Variants in PTPN3 observed in about 807,000 individuals in gnomAD.
PTPN3 encodes protein tyrosine phosphatase non-receptor type 3.
PTPN3 carries 96 observed loss-of-function variants against 132.7 expected under a neutral mutation model. That is an observed-to-expected ratio of 0.72 (90% CI 0.61 to 0.86). PTPN3 has a LOEUF of 0.86. Ranked by LOEUF, PTPN3 falls within the 40% of genes least tolerant of loss-of-function variation. The pLI is 0.00. For missense variants in PTPN3, 1,125 were observed against 1,159.6 expected (o/e 0.97, Z 0.43); for synonymous variants, 398 against 429.0 (o/e 0.93, Z 0.89).
the PTPN3 span, among the ~76,000 whole-genome samples, chr9:109,510,568 AAAAAAAAAATATATATATATAT>A: frequency 5.5e-5 from 2 of 36,132 alleles, no homozygotes; most frequent in East Asian, 3.2e-3. Flanking sequence ...TAAAAAAAAA[AAAAAAAAAATATATATATATAT>A]ATATATATAT....
At chr9:109,422,920 G>C (rs936899803) in intron 12 of PTPN3, 68 bp from the exon 13 acceptor site, 17 of 1,545,604 alleles carry the variant, frequency 1.1e-5, no homozygotes, top group Non-Finnish European at 1.4e-5. Context: ...CTGCATGTGT[G>C]AAACAGTCTA....
intron 4 of PTPN3, 115 bp from the exon 5 acceptor site, chr9:109,454,689 A>T (rs1845470616): frequency 1.3e-6 from 1 of 755,624 alleles, no homozygotes; most frequent in South Asian, 1.7e-5. Flanking sequence ...TTTTTCCATT[A>T]TAAAAGGGCT....
intron 10 of PTPN3, among the ~76,000 whole-genome samples, chr9:109,430,339 T>A (rs3793529): frequency 0.21 from 32,014 of 152,040 alleles, 3,773 homozygotes; most frequent in Non-Finnish European, 0.26. Context: ...CCTGGCTTCA[T>A]ATACAGGGGT....
intron 12 of PTPN3, among the ~76,000 whole-genome samples, chr9:109,425,301 G>A (rs1393713072): frequency 1.3e-5 from 2 of 152,212 alleles, no homozygotes; most frequent in Admixed American, 1.3e-4. Flanking sequence ...AACTGGAACA[G>A]TCTGATGCAG....
At chr9:109,534,335 T>C in the PTPN3 span, 22 of 1,516,398 alleles carry the variant, frequency 1.5e-5, no homozygotes, top group Admixed American at 4.1e-5. Flanking sequence ...CTGCTCAAGG[T>C]TGTGGTGATG....
the PTPN3 span, among the ~76,000 whole-genome samples, chr9:109,518,475 T>TG: frequency 6.6e-6 from 1 of 152,138 alleles, no homozygotes; most frequent in Non-Finnish European, 1.5e-5. Flanking sequence ...ATGCTCCCAT[T>TG]GGACAGGTGC....
chr9:109,379,295 T>G lies in PTPN3; in HGVS notation c.*261A>C, dbSNP rs1838825416. On this transcript the variant is annotated 3_prime_UTR_variant, in exon 26 of 26. Coordinates refer to ENST00000374541, the MANE Select transcript of PTPN3 (RefSeq NM_002829.4). Reference sequence around the variant, plus strand: ...TGTGGTGATGTTAGGGAAGAAGGCATTAGGACAGGCCCCAAACTGAGATCC... The same window carrying G: ...TGTGGTGATGTTAGGGAAGAAGGCAGTAGGACAGGCCCCAAACTGAGATCC... The G allele has an allele frequency of 4.4e-6, 2 of 452,572 alleles. No individual in the cohort carries two copies. Among genetic ancestry groups the G allele is most frequent in the Admixed American group, 3.7e-5 (1 of 27,132 alleles). The allele number at this position is 452,572 out of a possible 1,614,324, so 28.0% of individuals were successfully genotyped here. A position where few individuals can be genotyped will look rare whatever the true frequency, so the allele number is the denominator to read the frequency against.
chr9:109,424,746 G>A (rs539444344), intron 12 of PTPN3, among the ~76,000 whole-genome samples: 123 of 152,316 alleles, frequency 8.1e-4, no homozygotes, highest in African/African-American at 1.2e-4. Context: ...CAGAGCAGAA[G>A]AGGCCTCTGG....
intron 14 of PTPN3, among the ~76,000 whole-genome samples, chr9:109,420,112 G>C (rs1367342648): frequency 1.3e-5 from 2 of 152,106 alleles, no homozygotes; most frequent in Non-Finnish European, 1.5e-5. Context: ...CTCCAGAACA[G>C]GGAATGATTA....
At chr9:109,485,709 T>C (rs1307088219) in intron 1 of PTPN3, among the ~76,000 whole-genome samples, 3 of 152,064 alleles carry the variant, frequency 2.0e-5, no homozygotes, top group Admixed American at 1.3e-4. Flanking sequence ...ACTCTTCTCC[T>C]TCCCCTTCCA....
chr9:109,532,640 T>C, the PTPN3 span, among the ~76,000 whole-genome samples: 1 of 151,876 alleles, frequency 6.6e-6, no homozygotes, highest in African/African-American at 2.4e-5. Flanking sequence ...GAGGCGTCTT[T>C]AGGTGAAAAT....
intron 1 of PTPN3, among the ~76,000 whole-genome samples, chr9:109,497,604 G>A (rs915519421): frequency 6.6e-6 from 1 of 152,104 alleles, no homozygotes; most frequent in Admixed American, 6.5e-5. Flanking sequence ...TGGGAATTTC[G>A]GGGGGGCTGG....
At chr9:109,464,314 T>A (rs751488065) in intron 1 of PTPN3, among the ~76,000 whole-genome samples, 2 of 152,178 alleles carry the variant, frequency 1.3e-5, no homozygotes, top group Non-Finnish European at 2.9e-5. Flanking sequence ...ATTCACTCAC[T>A]AAAAGACATG....
chr9:109,526,829 G>A, the PTPN3 span, among the ~76,000 whole-genome samples: 1 of 152,160 alleles, frequency 6.6e-6, no homozygotes, highest in Non-Finnish European at 1.5e-5. Context: ...AGTAGACAAA[G>A]GAAATAGAAT....
At chr9:109,469,833 C>T (rs758815896) in intron 1 of PTPN3, among the ~76,000 whole-genome samples, 5 of 152,208 alleles carry the variant, frequency 3.3e-5, no homozygotes, top group African/African-American at 7.2e-5. Context: ...TAGCCCAATG[C>T]CACCACCTAG....
the PTPN3 span, among the ~76,000 whole-genome samples, chr9:109,515,695 G>A: frequency 6.6e-6 from 1 of 152,334 alleles, no homozygotes; most frequent in Admixed American, 6.5e-5. Flanking sequence ...ATGGCAGAAG[G>A]GAAGAGGAGA....
chr9:109,384,559 G>A (rs1448909024), intron 22 of PTPN3, among the ~76,000 whole-genome samples: 1 of 152,176 alleles, frequency 6.6e-6, no homozygotes, highest in African/African-American at 2.4e-5. Context: ...TCTAAAACCT[G>A]CAACTTGTCC....
intron 9 of PTPN3, among the ~76,000 whole-genome samples, chr9:109,434,041 G>C (rs890387045): frequency 1.3e-5 from 2 of 151,604 alleles, no homozygotes; most frequent in Admixed American, 6.6e-5. Flanking sequence ...GCCGCTACAA[G>C]TTTGAGAACA....
At chr9:109,429,401 A>G (rs1372803119) in intron 10 of PTPN3, among the ~76,000 whole-genome samples, 4 of 152,124 alleles carry the variant, frequency 2.6e-5, no homozygotes, top group Non-Finnish European at 5.9e-5. Flanking sequence ...AGTGGTGAAA[A>G]CACTGCCCTT....
Sources: gnomAD v4.1 joint callset for allele counts (sites outside exome capture counted in the v4.1 genomes callset) on GRCh38, gnomAD v4.1.1 for gene constraint, MANE v1.5 for transcripts, NCBI Gene and HGNC (gene_info 2026-07-23, HGNC 2026-07-21) for gene names.